The following NLGN4X variants were observed in gnomAD, a reference collection of about 807,000 sequenced individuals.
The protein encoded by NLGN4X is neuroligin 4 X-linked.
Under a neutral mutation model 40.3 loss-of-function variants are expected in NLGN4X, and 3 were observed. The observed-to-expected ratio is 0.07, with a 90% CI of 0.03 to 0.19. The LOEUF (loss-of-function observed/expected upper bound fraction) is 0.19. Among genes scored for constraint, NLGN4X ranks in the 10% least tolerant of loss-of-function variants. The pLI is 1.00. For missense variants in NLGN4X, 382 were observed against 708.3 expected, an observed-to-expected ratio of 0.54 and a Z score of 5.23; for synonymous variants, 270 against 306.8, an observed-to-expected ratio of 0.88 and a Z score of 1.25.
At chrX:6,160,167 C>T (rs1449436721) in intron 1 of NLGN4X, among the ~76,000 whole-genome samples, 1 of 111,747 alleles carries the variant, frequency 8.9e-6, no homozygotes, top group Admixed American at 9.5e-5. Flanking sequence ...GTCTGTAACA[C>T]AAAGAAATGA....
At chrX:6,061,756 A>G (rs766905749) in intron 2 of NLGN4X, 1 of 111,454 alleles carries the variant, frequency 9.0e-6, no homozygotes, top group African/African-American at 3.3e-5. Flanking sequence ...GCATTTTATG[A>G]CCTATTTGAA....
intron 3 of NLGN4X, among the ~76,000 whole-genome samples, chrX:5,993,297 G>A (rs893158638): frequency 9.0e-6 from 1 of 111,149 alleles, no homozygotes; most frequent in African/African-American, 3.3e-5. Flanking sequence ...ATACCTCACT[G>A]GGGGCTAATG....
At position 6,121,265 on chromosome X, in the gene NLGN4X, T is replaced by C. The variant is rs116292762; in HGVS notation, c.472+29730A>G. On this transcript the variant is annotated intron_variant, in intron 2 of 5. Coordinates refer to ENST00000381095, the MANE Select transcript of NLGN4X (RefSeq NM_181332.3). Reference sequence around the variant, plus strand: ...CATAATATTCTAGAATATACAAAATTATCTCTGTTTGAATTACCCTATGAC... The same window carrying C: ...CATAATATTCTAGAATATACAAAATCATCTCTGTTTGAATTACCCTATGAC... Among the ~76,000 whole-genome samples, 440 of 111,104 alleles carry C rather than the reference T, an allele frequency of 4.0e-3. 5 individuals are homozygous for C. Among genetic ancestry groups the C allele is most frequent in the African/African-American group, 0.014 (413 of 30,562 alleles).
At chrX:5,986,776 C>G (rs184474573) in intron 3 of NLGN4X, among the ~76,000 whole-genome samples, 1 of 111,839 alleles carries the variant, frequency 8.9e-6, no homozygotes, top group African/African-American at 3.2e-5. Flanking sequence ...AATGTCTCAA[C>G]CTCAGAGTAA....
At position 5,903,277 on chromosome X, in the gene NLGN4X, G is replaced by T; in HGVS notation, c.1401C>A (p.Thr467=). ...ADLHAQYGSP[T]YFYAFYHHCQ... ...AGTGATGATAGAAGGCATAGAAGTAGGTGGGGGAGCCGTACTGCGCGTGCA... is the reference window on the plus strand; with the variant it reads ...AGTGATGATAGAAGGCATAGAAGTATGTGGGGGAGCCGTACTGCGCGTGCA... Residue 467 remains threonine, a synonymous_variant, in exon 5 of 6, where the codon ACC becomes ACA. Transcript: ENST00000381095. 8.3e-7 allele frequency: 1 copy of T among 1,211,910 alleles called. No homozygotes were observed. The highest frequency in any genetic ancestry group is 1.1e-6 in the Non-Finnish European group (1 of 895,487).
chrX:5,949,420 A>T (rs772839024), intron 3 of NLGN4X, among the ~76,000 whole-genome samples: 1 of 111,616 alleles, frequency 9.0e-6, no homozygotes, highest in Admixed American at 9.5e-5. Context: ...CACTGAAGAC[A>T]CTTATTCTCA....
At chrX:5,996,116 T>C (rs1236572999) in intron 3 of NLGN4X, among the ~76,000 whole-genome samples, 2 of 112,203 alleles carry the variant, frequency 1.8e-5, no homozygotes, top group African/African-American at 6.5e-5. Flanking sequence ...GATAGCTGGA[T>C]GGTCACAGTC....
At chrX:5,941,180 G>GGGT (rs1410112176) in intron 3 of NLGN4X, among the ~76,000 whole-genome samples, 1 of 58,625 alleles carries the variant, frequency 1.7e-5, no homozygotes, top group East Asian at 9.0e-4. Flanking sequence ...TATGCTAGGG[G>GGGT]GTGTGTGTGT....
intron 2 of NLGN4X, among the ~76,000 whole-genome samples, chrX:6,112,673 T>C (rs1017332065): frequency 1.2e-4 from 13 of 107,788 alleles, no homozygotes; most frequent in African/African-American, 3.7e-4. Context: ...AATTTCCTTC[T>C]CCCGGGTTCA....
chrX:6,032,619 G>GAAAAA, intron 2 of NLGN4X: 1 of 566,297 alleles, frequency 1.8e-6, no homozygotes, highest in Non-Finnish European at 2.5e-6. Context: ...AGATTGAAAT[G>GAAAAA]AAAAAAAAAA....
At chrX:6,094,980 TA>T (rs759832503) in intron 2 of NLGN4X, among the ~76,000 whole-genome samples, 1 of 110,286 alleles carries the variant, frequency 9.1e-6, no homozygotes, top group Non-Finnish European at 1.9e-5. Flanking sequence ...ATTTTTTTTT[TA>T]AAAAGAGTAA....
chrX:6,042,882 T>A (rs2037213067), intron 2 of NLGN4X, among the ~76,000 whole-genome samples: 1 of 102,226 alleles, frequency 9.8e-6, no homozygotes, highest in Non-Finnish European at 2.0e-5. Flanking sequence ...TCAAGACAAG[T>A]CTGGCCAACA....
At chrX:6,040,219 G>A (rs918154655) in intron 2 of NLGN4X, among the ~76,000 whole-genome samples, 2 of 111,635 alleles carry the variant, frequency 1.8e-5, no homozygotes, top group Admixed American at 1.9e-4. Flanking sequence ...TATTACAGGT[G>A]TGAGCCACTG....
intron 4 of NLGN4X, among the ~76,000 whole-genome samples, chrX:5,908,339 A>G (rs1266558386): frequency 5.4e-5 from 6 of 111,137 alleles, no homozygotes; most frequent in Admixed American, 9.6e-5. Context: ...GAAGATTTAA[A>G]GAATTAATAT....
intron 3 of NLGN4X, among the ~76,000 whole-genome samples, chrX:5,921,420 A>AGAGAGAGAGAGG (rs2033050170): frequency 1.9e-5 from 2 of 106,245 alleles, no homozygotes; most frequent in Admixed American, 1.0e-4. Flanking sequence ...AGAGAGAGAG[A>AGAGAGAGAGAGG]GAGAGAGAGA....
intron 1 of NLGN4X, among the ~76,000 whole-genome samples, chrX:6,162,349 G>A (rs1272430087): frequency 1.8e-5 from 2 of 111,939 alleles, no homozygotes; most frequent in Non-Finnish European, 3.8e-5. Flanking sequence ...GTGTCTCTGA[G>A]GGTGTTGCCA....
chrX:6,168,181 T>C (rs1287293727), intron 1 of NLGN4X, among the ~76,000 whole-genome samples: 2 of 112,114 alleles, frequency 1.8e-5, no homozygotes, highest in African/African-American at 6.5e-5. Context: ...CAAGCCTGTG[T>C]TTCTGCATGT....
chrX:5,921,842 C>A (rs754080803), intron 3 of NLGN4X, among the ~76,000 whole-genome samples: 2 of 111,454 alleles, frequency 1.8e-5, no homozygotes, highest in South Asian at 7.6e-4. Flanking sequence ...AAACTTAGCA[C>A]GGCCCAGGTA....
intron 1 of NLGN4X, among the ~76,000 whole-genome samples, chrX:6,179,558 T>C (rs1921203102): frequency 8.9e-6 from 1 of 112,314 alleles, no homozygotes; most frequent in Non-Finnish European, 1.9e-5. Flanking sequence ...GCAGGAAACC[T>C]AAATGTCAGA....
Sources: gnomAD v4.1 joint callset for allele counts (sites outside exome capture counted in the v4.1 genomes callset) on GRCh38, gnomAD v4.1.1 for gene constraint, MANE v1.5 for transcripts, NCBI Gene and HGNC (gene_info 2026-07-23, HGNC 2026-07-21) for gene names.